The following NINJ2 variants were observed in gnomAD, a reference collection of about 807,000 sequenced individuals.
NINJ2 encodes the protein ninjurin-2.
Under a neutral mutation model 11.7 loss-of-function variants are expected in NINJ2, and 12 were observed. The ratio of observed to expected loss-of-function variants is 1.02; its 90% CI spans 0.66 to 1.66. The LOEUF is 1.66. Among genes scored for constraint, NINJ2 ranks in the 40% most tolerant of loss-of-function variants. NINJ2 has a pLI of 0.00. For missense variants in NINJ2, 187 were observed against 181.8 expected (o/e 1.03, Z -0.16); for synonymous variants, 93 against 76.8 (o/e 1.21, Z -1.10).
In NINJ2 at chr12:566,066, C is replaced by T. The variant is rs770915895; in HGVS notation, c.146G>A (p.Arg49Gln). Residue 49 changes from arginine (R) to glutamine (Q), a missense_variant, in exon 2 of 4, where the codon CGG becomes CAG. By Grantham distance (43) the Arg-to-Gln change is conservative. Transcript: ENST00000305108. ...TCCCTGCTCCAGCACCGCCTTCAGC[C>T]GCATGGCGTTGGACATGAACAGGGC... ...DVALFMSNAM[R>Q]LKAVLEQGPS... is the part of the protein sequence containing the mutation. 13 of 1,614,166 alleles carry T rather than the reference C, an allele frequency of 8.1e-6. No homozygotes were observed. Among genetic ancestry groups the T allele is most frequent in the Middle Eastern group, 1.6e-4 (1 of 6,062 alleles).
In NINJ2 at chr12:581,729, G is replaced by A. The variant is rs908477810; in HGVS notation, c.34-15551C>T. ...CTGACCATCCAACTCACGCAGCTTCGGTGCTTCCCAGCTCACTCGTCTGTA... is the reference window on the plus strand; with the variant it reads ...CTGACCATCCAACTCACGCAGCTTCAGTGCTTCCCAGCTCACTCGTCTGTA... On this transcript the variant is annotated intron_variant, in intron 1 of 3. Coordinates refer to ENST00000305108, the MANE Select transcript of NINJ2 (RefSeq NM_016533.6). This position sits in a 1 kb window ranked among gnomAD's most constrained non-coding sequence, Gnocchi z 4.9. 2.0e-5 allele frequency among the ~76,000 whole-genome samples: 3 copies of A among 152,130 alleles called. No individual in the cohort carries two copies. The highest frequency in any genetic ancestry group is 2.1e-4 in the South Asian group (1 of 4,832).
At chr12:592,495 G>A (rs1947730019) in intron 1 of NINJ2, among the ~76,000 whole-genome samples, 3 of 152,214 alleles carry the variant, frequency 2.0e-5, no homozygotes, top group African/African-American at 2.4e-5. Context: ...GAGGTTAGGA[G>A]TTCAAGACCA....
intron 1 of NINJ2, among the ~76,000 whole-genome samples, chr12:622,287 G>A (rs1488606975): frequency 6.6e-6 from 1 of 151,160 alleles, no homozygotes; most frequent in Non-Finnish European, 1.5e-5. Flanking sequence ...GTGGGTGCCT[G>A]TAGTCCCAGC....
In NINJ2 at chr12:570,424, A is replaced by AG. The variant is rs554031763; in HGVS notation, c.34-4247dup. On this transcript the variant is annotated intron_variant, in intron 1 of 3. Transcript: ENST00000305108. ...GATCAGATAAAGTCCTAAATCCTGCAGGGGGTCATCCTTTTCGCCCACAGC... is the reference window on the plus strand; with the variant it reads ...GATCAGATAAAGTCCTAAATCCTGCAGGGGGGTCATCCTTTTCGCCCACAGC... Among the ~76,000 whole-genome samples the AG allele has an allele frequency of 2.8e-3, 427 of 152,332 alleles. 2 individuals carry two copies. The highest frequency in any genetic ancestry group is 9.8e-3 in the African/African-American group (407 of 41,584).
intron 1 of NINJ2, among the ~76,000 whole-genome samples, chr12:579,975 T>C (rs1270636079): frequency 6.6e-6 from 1 of 152,212 alleles, no homozygotes; most frequent in Non-Finnish European, 1.5e-5. Flanking sequence ...GAATAAGCAC[T>C]GGGCTGGGAA....
At position 566,178 on chromosome 12, in the gene NINJ2, G is replaced by T. The variant is rs754864244; in HGVS notation, c.34C>A (p.Pro12Thr). 1 of 1,612,430 alleles carries T rather than the reference G, an allele frequency of 6.2e-7. No individual in the cohort carries two copies. The highest frequency in any genetic ancestry group is 1.1e-5 in the South Asian group (1 of 90,834). The change falls in exon 2 of 4, where the codon CCT (proline) becomes ACT (threonine). Residue 12 changes from proline (P) to threonine (T), a missense_variant and splice_region_variant. Transcript: ENST00000305108. ...TGGCTCCTGGGGTCGGAGCTTCCAG[G>T]CTGTAGGGGAGAAAGCACAGACTTA... ...ESARENIDLQ[P>T]GSSDPRSQPI...
chr12:583,809 G>C (rs1947594011), intron 1 of NINJ2, among the ~76,000 whole-genome samples: 1 of 152,180 alleles, frequency 6.6e-6, no homozygotes, highest in South Asian at 2.1e-4. Context: ...GTCGAGACCT[G>C]GCCCTGCCCC....
chr12:573,423 C>T (rs965423682), intron 1 of NINJ2, among the ~76,000 whole-genome samples: 2 of 151,942 alleles, frequency 1.3e-5, no homozygotes, highest in African/African-American at 4.8e-5. Flanking sequence ...TAAACACGTG[C>T]AGTCTGGCTG....
chr12:592,147 A>G (rs11063770), intron 1 of NINJ2, among the ~76,000 whole-genome samples: 13,832 of 152,094 alleles, frequency 0.091, 847 homozygotes, highest in African/African-American at 0.18. Flanking sequence ...GGTGACCTTG[A>G]ACAAGCTAAG....
chr12:570,250 G>A (rs1947358908), intron 1 of NINJ2, among the ~76,000 whole-genome samples: 1 of 152,254 alleles, frequency 6.6e-6, no homozygotes, highest in Admixed American at 6.5e-5. Context: ...TGGCGAAGGT[G>A]CCTGGAAAGG....
intron 1 of NINJ2, among the ~76,000 whole-genome samples, chr12:568,815 G>A (rs574785153): frequency 8.5e-5 from 13 of 152,198 alleles, no homozygotes; most frequent in South Asian, 6.2e-4. Context: ...GGAGACCAGC[G>A]GGTAGCATTC....
rs1364726970 is a variant in NINJ2 at position 585,102 on chromosome 12, G to C, written c.34-18924C>G. On this transcript the variant is annotated intron_variant, in intron 1 of 3. Transcript: ENST00000305108. The surrounding 1 kb of genome is among the most constrained non-coding windows in gnomAD (Gnocchi z 4.1). ...CCACTGCGCTCCAGCCTGGGAGACA[G>C]AGCGAGACTCCGTCTCAATAAACAC... Among the ~76,000 whole-genome samples, 1 of 152,284 alleles carries C rather than the reference G, an allele frequency of 6.6e-6. No homozygotes were observed. The highest frequency in any genetic ancestry group is 1.5e-5 in the Non-Finnish European group (1 of 68,056).
At chr12:637,322 C>T (rs1948363952) in intron 1 of NINJ2, among the ~76,000 whole-genome samples, 1 of 151,060 alleles carries the variant, frequency 6.6e-6, no homozygotes, top group African/African-American at 2.4e-5. Context: ...GCACTCCAGC[C>T]TGGGCGACAG....
rs1350126459 is a variant in NINJ2 at position 628,715 on chromosome 12, T to TA, written c.33+34612dup. Among the ~76,000 whole-genome samples the TA allele has an allele frequency of 3.3e-5, 5 of 152,096 alleles. No homozygotes were observed. Among genetic ancestry groups the TA allele is most frequent in the African/African-American group, 1.2e-4 (5 of 41,424 alleles). ...GCCCTGCTGATAAAGCAGGATGCAGTAAGGAAGCCTGCCAAAACCCACCAA... is the reference window on the plus strand; with the variant it reads ...GCCCTGCTGATAAAGCAGGATGCAGTAAAGGAAGCCTGCCAAAACCCACCAA... On this transcript the variant is annotated intron_variant, in intron 1 of 3. Transcript: ENST00000305108. The surrounding 1 kb of genome is among the most constrained non-coding windows in gnomAD (Gnocchi z 4.4).
At chr12:569,955 CTT>C (rs1022680493) in intron 1 of NINJ2, among the ~76,000 whole-genome samples, 6 of 152,318 alleles carry the variant, frequency 3.9e-5, no homozygotes, top group African/African-American at 9.6e-5. Context: ...AGAGACGTGA[CTT>C]GGGCGCCGCG....
At chr12:638,235 T>C (rs568737414) in intron 1 of NINJ2, among the ~76,000 whole-genome samples, 2 of 152,266 alleles carry the variant, frequency 1.3e-5, no homozygotes, top group East Asian at 3.9e-4. Context: ...TTGTCCTTCT[T>C]GTGTTGAGTA....
At position 621,012 on chromosome 12, in the gene NINJ2, C is replaced by T. The variant is rs1592101942; in HGVS notation, c.33+42316G>A. Among the ~76,000 whole-genome samples the T allele has an allele frequency of 2.6e-5, 4 of 152,322 alleles. 1 individual carries two copies. Among genetic ancestry groups the T allele is most frequent in the Admixed American group, 2.6e-4 (4 of 15,296 alleles). On this transcript the variant is annotated intron_variant, in intron 1 of 3. Coordinates refer to ENST00000305108, the MANE Select transcript of NINJ2 (RefSeq NM_016533.6). ...GAGATGAAGGACTTACTCAGCCTCT[C>T]CTGGATGTGGCTCCTAATTCCAACC...
intron 1 of NINJ2, among the ~76,000 whole-genome samples, chr12:623,945 AG>A (rs1225418664): frequency 6.6e-6 from 1 of 152,184 alleles, no homozygotes. Flanking sequence ...CAGAGGTAGG[AG>A]GATCGCTTGA....
chr12:624,820 A>C (rs1054595217), intron 1 of NINJ2, among the ~76,000 whole-genome samples: 4 of 150,202 alleles, frequency 2.7e-5, no homozygotes, highest in African/African-American at 9.8e-5. Flanking sequence ...AAAAAAAAAA[A>C]AAAGATGGCT....
Sources: allele counts gnomAD v4.1 joint callset (sites outside exome capture counted in the v4.1 genomes callset), GRCh38; gene constraint gnomAD v4.1.1; non-coding constraint Gnocchi (gnomAD v3.1); transcripts MANE v1.5; gene names NCBI Gene and HGNC (gene_info 2026-07-23, HGNC 2026-07-21).